ANKH: variants seen among roughly 807,000 people sequenced by gnomAD.
ANKH encodes the protein mineralization regulator ANKH.
In ANKH, 15 loss-of-function variants were observed where a neutral mutation model predicts 49.0. The observed-to-expected ratio is 0.31, with a 90% CI of 0.20 to 0.47. The LOEUF (loss-of-function observed/expected upper bound fraction) is 0.47. ANKH is among the 20% of genes least tolerant of loss of function. ANKH has a pLI of 1.00. For synonymous variants in ANKH, 273 were observed against 260.0 expected (o/e 1.05, Z -0.48); for missense variants, 429 against 652.0 (o/e 0.66, Z 3.72).
chr5:14,842,805 G>A (rs558725697), intron 1 of ANKH, among the ~76,000 whole-genome samples: 2 of 152,234 alleles, frequency 1.3e-5, no homozygotes, highest in African/African-American at 2.4e-5. Context: ...AGCCATGCAG[G>A]AGCAATCATA....
chr5:14,813,364 T>C (rs1157648286), intron 1 of ANKH, among the ~76,000 whole-genome samples: 1 of 152,120 alleles, frequency 6.6e-6, no homozygotes, highest in Non-Finnish European at 1.5e-5. Context: ...TCACAGGGTA[T>C]CAGCAAAAGT....
At chr5:14,773,875 T>C (rs1051526317) in intron 1 of ANKH, among the ~76,000 whole-genome samples, 2 of 152,206 alleles carry the variant, frequency 1.3e-5, no homozygotes, top group Admixed American at 6.5e-5. Flanking sequence ...AACTTAAGTG[T>C]CCATACTAAT....
intron 1 of ANKH, among the ~76,000 whole-genome samples, chr5:14,828,433 A>G (rs1224912802): frequency 6.6e-6 from 1 of 152,176 alleles, no homozygotes; most frequent in Admixed American, 6.5e-5. Context: ...AGGCTGAGGC[A>G]GGAGAATTAC....
At chr5:14,778,645 G>A (rs1229008983) in intron 1 of ANKH, among the ~76,000 whole-genome samples, 2 of 151,850 alleles carry the variant, frequency 1.3e-5, no homozygotes, top group Admixed American at 6.6e-5. Context: ...TCACTCTCTC[G>A]ACTCCCCACT....
chr5:14,845,366 A>ATATAT (rs1425131816), intron 1 of ANKH, among the ~76,000 whole-genome samples: 351 of 75,718 alleles, frequency 4.6e-3, no homozygotes, highest in Non-Finnish European at 6.5e-3. Context: ...ATATATATAT[A>ATATAT]TTTTTTTTTT....
At chr5:14,814,459 A>C (rs1740974358) in intron 1 of ANKH, among the ~76,000 whole-genome samples, 1 of 152,092 alleles carries the variant, frequency 6.6e-6, no homozygotes, top group Non-Finnish European at 1.5e-5. Context: ...TTTTTTAATT[A>C]GCGATGCATG....
Position 14,745,776 on chromosome 5 carries a change from G to A in ANKH, c.915+94C>T. The A allele has an allele frequency of 9.1e-7, 1 of 1,094,164 alleles. No homozygotes were observed. Among genetic ancestry groups the A allele is most frequent in the Non-Finnish European group, 1.4e-6 (1 of 713,766 alleles). 67.8% of individuals were successfully genotyped at this position (1,094,164 alleles called of 1,614,324 possible). A position where few individuals can be genotyped will look rare whatever the true frequency, so the allele number is the denominator to read the frequency against. ...TAACCTTACAAAGGGAAGCAGGACTGAGAAGCAACAAAGTGTCCCTCATCA... is the reference window on the plus strand; with the variant it reads ...TAACCTTACAAAGGGAAGCAGGACTAAGAAGCAACAAAGTGTCCCTCATCA... On this transcript the variant is annotated intron_variant, in intron 7 of 11. Transcript: ENST00000284268. The surrounding 1 kb of genome is among the most constrained non-coding windows in gnomAD (Gnocchi z 4.7).
chr5:14,784,730 CA>C (rs1739919833), intron 1 of ANKH, among the ~76,000 whole-genome samples: 1 of 152,112 alleles, frequency 6.6e-6, no homozygotes, highest in Non-Finnish European at 1.5e-5. Context: ...ACAGGACAAG[CA>C]GTGCAAGAAC....
intron 1 of ANKH, among the ~76,000 whole-genome samples, chr5:14,827,092 G>C (rs750547467): frequency 4.6e-5 from 7 of 152,174 alleles, no homozygotes; most frequent in Non-Finnish European, 8.8e-5. Context: ...GAACCTCACC[G>C]ACCTGGGCTA....
intron 1 of ANKH, among the ~76,000 whole-genome samples, chr5:14,791,444 A>G (rs929244730): frequency 2.6e-5 from 4 of 152,178 alleles, no homozygotes; most frequent in Non-Finnish European, 4.4e-5. Context: ...TTCTATACCA[A>G]GTCTGTCTGC....
At chr5:14,733,310 C>T (rs529071403) in intron 8 of ANKH, among the ~76,000 whole-genome samples, 2 of 152,184 alleles carry the variant, frequency 1.3e-5, no homozygotes, top group African/African-American at 2.4e-5. Context: ...ACCCATTTAC[C>T]TTACTGTGCC....
intron 1 of ANKH, among the ~76,000 whole-genome samples, chr5:14,816,133 G>A (rs1741029715): frequency 6.6e-6 from 1 of 152,210 alleles, no homozygotes; most frequent in African/African-American, 2.4e-5. Context: ...AGGACATTAT[G>A]CTAAATTCCT....
intron 1 of ANKH, among the ~76,000 whole-genome samples, chr5:14,839,152 G>A (rs1037129988): frequency 1.3e-5 from 2 of 151,976 alleles, no homozygotes; most frequent in African/African-American, 2.4e-5. Flanking sequence ...TGGGACATAC[G>A]AGGTAGTGAT....
chr5:14,749,364 C>T (rs562720281), intron 5 of ANKH, 58 bp from the exon 6 acceptor site: 57 of 1,587,454 alleles, frequency 3.6e-5, no homozygotes, highest in Middle Eastern at 1.7e-4. Flanking sequence ...ATGGAAAAAA[C>T]GATTCAGAAT....
intron 8 of ANKH, chr5:14,724,548 C>T: frequency 1.0e-6 from 1 of 985,196 alleles, no homozygotes. Context: ...CAGAAGACCC[C>T]TGGGTCTTAC....
rs993670651 is a variant in ANKH, at chr5:14,718,581, C to T, written c.1012-1746G>A. Among the ~76,000 whole-genome samples the T allele has an allele frequency of 3.9e-5, 6 of 152,126 alleles. No individual in the cohort carries two copies. In the East Asian group the frequency reaches 5.8e-4, roughly 15 times the overall value. Reference sequence around the variant, plus strand: ...ATCCCAGCAGTTTGGGAGGCTGAGGCGGGCGGATGACCTGATGTCAGGAGT... The same window carrying T: ...ATCCCAGCAGTTTGGGAGGCTGAGGTGGGCGGATGACCTGATGTCAGGAGT... On this transcript the variant is annotated intron_variant, in intron 8 of 11. Coordinates refer to ENST00000284268, the MANE Select transcript of ANKH (RefSeq NM_054027.6).
chr5:14,867,527 A>C (rs551828756), intron 1 of ANKH, among the ~76,000 whole-genome samples: 1 of 152,242 alleles, frequency 6.6e-6, no homozygotes, highest in South Asian at 2.1e-4. Context: ...ACGTTTCTTC[A>C]GTTTCTGCAA....
At chr5:14,768,584 A>T (rs2126510757) in intron 2 of ANKH, 1 of 269,314 alleles carries the variant, frequency 3.7e-6, no homozygotes, top group Middle Eastern at 1.4e-3. Context: ...ATTTGTTCTC[A>T]CTGCTAATAA....
chr5:14,847,560 T>G (rs976090965), intron 1 of ANKH, among the ~76,000 whole-genome samples: 2 of 152,220 alleles, frequency 1.3e-5, no homozygotes, highest in Non-Finnish European at 2.9e-5. Flanking sequence ...TGGGCAGGCC[T>G]GGTCCTTCTA....
Sources: gnomAD v4.1 joint callset for allele counts (sites outside exome capture counted in the v4.1 genomes callset) on GRCh38, gnomAD v4.1.1 for gene constraint, Gnocchi (gnomAD v3.1) non-coding constraint, MANE v1.5 for transcripts, NCBI Gene and HGNC (gene_info 2026-07-23, HGNC 2026-07-21) for gene names.